The following UBR3 variants were observed in gnomAD, a reference collection of about 807,000 sequenced individuals.
UBR3 encodes the protein E3 ubiquitin-protein ligase UBR3.
UBR3 carries 85 observed loss-of-function variants against 243.2 expected under a neutral mutation model. The ratio of observed to expected loss-of-function variants is 0.35; its 90% CI spans 0.29 to 0.42. The LOEUF is 0.42. Among genes scored for constraint, UBR3 ranks in the 10% least tolerant of loss-of-function variants. The pLI, the probability that UBR3 is intolerant of heterozygous loss-of-function variation, is 1.00. For synonymous variants in UBR3, 748 were observed against 799.8 expected (o/e 0.94, Z 1.09); for missense variants, 1,686 against 2,300.8 (o/e 0.73, Z 5.47).
chr2:170,076,297 AGTG>A (rs1436761265), intron 36 of UBR3, among the ~76,000 whole-genome samples: 3 of 152,190 alleles, frequency 2.0e-5, no homozygotes, highest in Non-Finnish European at 4.4e-5. Context: ...AAAACAAACT[AGTG>A]GCCCACTACT....
chr2:169,945,667 T>A (rs1574259469), intron 20 of UBR3, among the ~76,000 whole-genome samples: 2 of 152,338 alleles, frequency 1.3e-5, no homozygotes, highest in Non-Finnish European at 2.9e-5. Context: ...TTTAGGTATC[T>A]TCTGGTTAGT....
Position 170,073,449 on chromosome 2 carries a change from C to A in UBR3, c.5041C>A (p.Leu1681Ile). 6.2e-7 allele frequency: 1 copy of A among 1,613,506 alleles called. No homozygotes were observed. Among genetic ancestry groups the A allele is most frequent in the Non-Finnish European group, 8.5e-7 (1 of 1,179,634 alleles). The stretch of plus-strand genomic sequence containing the variant: ...AAAGGAAGAAGAAGAATTTTCAGTT[C>A]TTGCCAGCTGCCTGGGACTTCTGCC... ...SCQEEEEFSV[L>I]ASCLGLLPTF... The change falls in exon 36 of 39, where the codon CTT becomes ATT. Residue 1681 changes from leucine to isoleucine, a missense_variant. Coordinates refer to ENST00000272793, the MANE Select transcript of UBR3 (RefSeq NM_172070.4).
In UBR3 at chr2:170,062,418, C is replaced by T. The variant is rs78475983; in HGVS notation, c.5019+975C>T. On this transcript the variant is annotated intron_variant, in intron 35 of 38. Coordinates refer to ENST00000272793, the MANE Select transcript of UBR3 (RefSeq NM_172070.4). ...GTTCCCTTTTTCTTAAGTAATTCAC[C>T]ATTACATTAAATAGTTTTGAATTCT... 4.7e-4 allele frequency among the ~76,000 whole-genome samples: 71 copies of T among 152,212 alleles called. No homozygotes were observed. The East Asian group carries it at 0.014, about 29-fold the overall frequency.
At chr2:169,834,725 A>C (rs1005898973) in intron 1 of UBR3, among the ~76,000 whole-genome samples, 2 of 152,240 alleles carry the variant, frequency 1.3e-5, no homozygotes, top group African/African-American at 4.8e-5. Flanking sequence ...TTGAGTATGC[A>C]TCTCAGTAAA....
intron 11 of UBR3, among the ~76,000 whole-genome samples, chr2:169,914,405 AT>A (rs1226428417): frequency 2.6e-5 from 4 of 152,142 alleles, no homozygotes; most frequent in Admixed American, 1.3e-4. Flanking sequence ...TTGTTTTTCC[AT>A]TATTAAGTAT....
At chr2:169,939,461 C>G (rs1202397592) in intron 19 of UBR3, among the ~76,000 whole-genome samples, 5 of 147,964 alleles carry the variant, frequency 3.4e-5, no homozygotes, top group Middle Eastern at 3.6e-3. Flanking sequence ...TAGAGACAGG[C>G]CTTCACCATG....
chr2:169,986,833 G>A (rs776343996), intron 25 of UBR3, 39 bp downstream of exon 25: 8 of 1,605,620 alleles, frequency 5.0e-6, no homozygotes, highest in Middle Eastern at 1.6e-4. Context: ...ACATTTTAGA[G>A]CTGAAGTATA....
At chr2:169,847,496 A>C (rs949302556) in intron 1 of UBR3, among the ~76,000 whole-genome samples, 1 of 152,148 alleles carries the variant, frequency 6.6e-6, no homozygotes, top group Non-Finnish European at 1.5e-5. Flanking sequence ...CTAAGCCTTT[A>C]TCCTATTGTT....
chr2:169,845,103 T>G (rs2082422935), intron 1 of UBR3, among the ~76,000 whole-genome samples: 1 of 152,284 alleles, frequency 6.6e-6, no homozygotes, highest in Non-Finnish European at 1.5e-5. Flanking sequence ...GATCTCCTCT[T>G]TAGCCAATGG....
chr2:169,962,198 C>G (rs1288702914), intron 24 of UBR3, among the ~76,000 whole-genome samples: 1 of 151,934 alleles, frequency 6.6e-6, no homozygotes, highest in Non-Finnish European at 1.5e-5. Context: ...TGTGAAACTT[C>G]CTGTCCCAGT....
chr2:169,835,998 TCTCTCTCTCTCTC>T (rs1558998215), intron 1 of UBR3, among the ~76,000 whole-genome samples: 1,166 of 32,062 alleles, frequency 0.036, 47 homozygotes, highest in African/African-American at 0.04. Flanking sequence ...GCACTGTCTC[TCTCTCTCTCTCTC>T]TCTCTCTCTC....
At chr2:170,017,830 G>A (rs1574404346) in intron 30 of UBR3, among the ~76,000 whole-genome samples, 1 of 152,202 alleles carries the variant, frequency 6.6e-6, no homozygotes, top group African/African-American at 2.4e-5. Flanking sequence ...GCATAGTATG[G>A]TATTTTAATA....
chr2:169,902,914 C>G (rs941296438), intron 8 of UBR3, among the ~76,000 whole-genome samples: 5 of 152,142 alleles, frequency 3.3e-5, no homozygotes, highest in African/African-American at 1.2e-4. Context: ...CCAGCCAAGT[C>G]TTTTCTTGAA....
rs5836256 is a variant in UBR3, at chr2:170,014,971, GTT to G, written c.4368-298_4368-297del. ...ATGCAGGTTTATGAAATATGTTGCA[GTT>G]TTTTTTTTTTTCTTAAGGCCTAGTT... On this transcript the variant is annotated intron_variant, in intron 29 of 38. Coordinates refer to ENST00000272793, the MANE Select transcript of UBR3 (RefSeq NM_172070.4). 894 of 166,634 alleles carry G rather than the reference GTT, an allele frequency of 5.4e-3. 9 individuals are homozygous for G. The highest frequency in any genetic ancestry group is 0.018 in the African/African-American group (738 of 40,808). 10.3% of individuals were successfully genotyped at this position (166,634 alleles called of 1,614,324 possible).
Position 170,082,772 on chromosome 2 carries a change from TTCAGCTCA to T in UBR3, c.*930_*937del, listed in dbSNP as rs2091926876. ...TGAACCATAAATTTTGGAACTTCCT[TTCAGCTCA>T]AGAGGTTCAGCTATATTGTATTTGT... On this transcript the variant is annotated 3_prime_UTR_variant, in exon 39 of 39. Transcript: ENST00000272793. 1 of 152,230 alleles carries T rather than the reference TTCAGCTCA, an allele frequency of 6.6e-6. No individual in the cohort carries two copies. The allele number at this position is 152,230 out of a possible 1,614,324, so 9.4% of individuals were successfully genotyped here.
Position 170,079,933 on chromosome 2 carries a change from T to C in UBR3, c.5319T>C (p.Pro1773=), listed in dbSNP as rs1417709832. 1.2e-6 allele frequency: 2 copies of C among 1,614,138 alleles called. No individual in the cohort carries two copies. The highest frequency in any genetic ancestry group is 2.2e-5 in the South Asian group (2 of 91,080). ...CCTGTAGTGTCTGCACCAAGGTTCC[T>C]AAAGATCCTGCTGTTTGCCTTGTGT... ...RKTCSVCTKV[P]KDPAVCLVCG... is the part of the protein sequence containing the mutation. The change falls in exon 37 of 39, where the codon CCT becomes CCC. Residue 1773 remains proline, a synonymous_variant. Transcript: ENST00000272793.
At chr2:169,917,988 C>G (rs1349531910) in intron 11 of UBR3, among the ~76,000 whole-genome samples, 3 of 152,238 alleles carry the variant, frequency 2.0e-5, no homozygotes, top group Admixed American at 6.5e-5. Flanking sequence ...CAGGCACGAG[C>G]CACTGTGCTG....
At chr2:169,960,673 G>C (rs2087530781) in intron 24 of UBR3, among the ~76,000 whole-genome samples, 1 of 151,930 alleles carries the variant, frequency 6.6e-6, no homozygotes, top group South Asian at 2.1e-4. Context: ...GAACTAATAA[G>C]CACCCCATCC....
At chr2:170,048,065 T>C (rs1314272839) in intron 32 of UBR3, among the ~76,000 whole-genome samples, 1 of 152,196 alleles carries the variant, frequency 6.6e-6, no homozygotes, top group Non-Finnish European at 1.5e-5. Flanking sequence ...GTTTCTTGTT[T>C]TCTAGAGCTG....
Sources: gnomAD v4.1 joint callset for allele counts (sites outside exome capture counted in the v4.1 genomes callset) on GRCh38, gnomAD v4.1.1 for gene constraint, MANE v1.5 for transcripts, NCBI Gene and HGNC (gene_info 2026-07-23, HGNC 2026-07-21) for gene names.